The following NRAP variants were observed in gnomAD, a reference collection of about 807,000 sequenced individuals.
NRAP encodes nebulin related anchoring protein.
In NRAP, 189 loss-of-function variants were observed where a neutral mutation model predicts 225.9. That is an observed-to-expected ratio of 0.84 (90% CI 0.74 to 0.94). NRAP has a LOEUF of 0.94. NRAP is among the 40% of genes least tolerant of loss of function. The pLI is 0.00. For synonymous variants in NRAP, 769 were observed against 790.7 expected (o/e 0.97, Z 0.46); for missense variants, 2,176 against 2,168.7 (o/e 1.00, Z -0.07).
chr10:113,589,742 C>T lies in NRAP; in HGVS notation c.5012G>A (p.Gly1671Asp). ...LTRGVGWTPPGSYKVEMARRA... is the reference protein window; with the variant it reads ...LTRGVGWTPPDSYKVEMARRA... ...CCGAGCCATTTCCACTTTGTAGGAG[C>T]CAGGAGGGGTCCAGCCAACACCTCT... Residue 1671 changes from glycine (G) to aspartate (D), a missense_variant, in exon 41 of 42, where the codon GGC (glycine) becomes GAC (aspartate). This residue lies in a region of NRAP where 445 missense variants were observed against 426.1 expected (regional missense o/e 1.04). Transcript: ENST00000359988. 1.2e-6 allele frequency: 2 copies of T among 1,614,108 alleles called. No individual in the cohort carries two copies. Among genetic ancestry groups the T allele is most frequent in the Non-Finnish European group, 1.7e-6 (2 of 1,180,026 alleles).
chr10:113,589,092 A>AACAT lies in NRAP; in HGVS notation c.5089-17_5089-14dup, dbSNP rs1845767110. ...CTTCTGCCCCCCGCTGCTGAAATCA[A>AACAT]ACATACCCCAAGTTAAAATGAAGCT... is the stretch of plus-strand genomic sequence containing the variant. On this transcript the variant is annotated splice_polypyrimidine_tract_variant and intron_variant, in intron 41 of 41. Transcript: ENST00000359988. 1.9e-6 allele frequency: 3 copies of AACAT among 1,610,006 alleles called. No individual in the cohort carries two copies. Among genetic ancestry groups the AACAT allele is most frequent in the Non-Finnish European group, 2.5e-6 (3 of 1,176,790 alleles).
chr10:113,590,996 G>T, intron 39 of NRAP, 107 bp from the exon 40 acceptor site: 1 of 914,580 alleles, frequency 1.1e-6, no homozygotes, highest in Non-Finnish European at 1.7e-6. Flanking sequence ...CTCAAGAGTG[G>T]GTTAGAGGCA....
chr10:113,622,441 G>T (rs1254186585), intron 23 of NRAP, among the ~76,000 whole-genome samples: 3 of 152,166 alleles, frequency 2.0e-5, no homozygotes, highest in Non-Finnish European at 4.4e-5. Flanking sequence ...GAAATGAGAA[G>T]CATACAGAAT....
chr10:113,606,389 C>A (rs1846970296), intron 32 of NRAP, 107 bp from the exon 33 acceptor site: 3 of 680,720 alleles, frequency 4.4e-6, no homozygotes, highest in African/African-American at 1.8e-5. Context: ...TAGCAAAAAA[C>A]CGTTCATTGT....
chr10:113,605,013 T>C, intron 34 of NRAP, 93 bp from the exon 35 acceptor site: 1 of 1,440,882 alleles, frequency 6.9e-7, no homozygotes, highest in Non-Finnish European at 9.4e-7. Flanking sequence ...GAGGTGATGA[T>C]TATAAGAAAA....
In NRAP at chr10:113,620,608, C is replaced by T. The variant is rs925002682; in HGVS notation, c.2870G>A (p.Ser957Asn). 6.9e-6 allele frequency: 11 copies of T among 1,604,114 alleles called. No individual in the cohort carries two copies. In the Admixed American group the frequency reaches 1.2e-4, roughly 17 times the overall value. The change falls in exon 25 of 42, where the codon AGC (serine) becomes AAC (asparagine). Residue 957 changes from serine (S) to asparagine (N), a missense_variant. Coordinates refer to ENST00000359988, the MANE Select transcript of NRAP (RefSeq NM_198060.4). ...CAGGCTGTCAGGAAATCTCACCTCG[C>T]TAATGAGTTCTCCTGCCTTCTTCGC... ...EQAKKAGELI[S>N]EKKYRQHPDA...
intron 14 of NRAP, among the ~76,000 whole-genome samples, chr10:113,639,190 G>C (rs1349159519): frequency 2.0e-5 from 3 of 151,012 alleles, no homozygotes; most frequent in Admixed American, 2.0e-4. Context: ...CTGAGAAAAA[G>C]AGAAGCAAAG....
At chr10:113,655,415 C>T (rs1850246678) in intron 4 of NRAP, among the ~76,000 whole-genome samples, 1 of 151,444 alleles carries the variant, frequency 6.6e-6, no homozygotes, top group Non-Finnish European at 1.5e-5. Flanking sequence ...TTGGAATAAT[C>T]CTGTCTATCA....
At chr10:113,632,477 A>G (rs1848630114) in intron 16 of NRAP, among the ~76,000 whole-genome samples, 1 of 152,222 alleles carries the variant, frequency 6.6e-6, no homozygotes, top group African/African-American at 2.4e-5. Flanking sequence ...AGAGAAATTA[A>G]AGAGCTCACC....
In NRAP at chr10:113,620,697, C is replaced by T. The variant is rs753450735; in HGVS notation, c.2781G>A (p.Arg927=). The T allele has an allele frequency of 4.3e-6, 7 of 1,610,606 alleles. No individual in the cohort carries two copies. The Admixed American group carries it at 1.2e-4, about 27-fold the overall frequency. ...AYGLQSDNQY[R]ADVKWMKGMG... The stretch of plus-strand genomic sequence containing the variant: ...TGCCTTTCATCCACTTCACATCTGC[C>T]CTGTATTGGTTCTGACAAAGGAGAA... The change falls in exon 25 of 42, where the codon AGG becomes AGA. Residue 927 remains arginine, a synonymous_variant. Transcript: ENST00000359988.
chr10:113,658,035 A>G (rs3127117), intron 3 of NRAP, among the ~76,000 whole-genome samples: 133,395 of 152,206 alleles, frequency 0.88, 58,539 homozygotes, highest in East Asian at 0.9. Context: ...TAATTTTTAC[A>G]TATAGATAAG....
At chr10:113,612,906 G>C (rs150411036) in intron 29 of NRAP, among the ~76,000 whole-genome samples, 1 of 152,268 alleles carries the variant, frequency 6.6e-6, no homozygotes, top group East Asian at 1.9e-4. Context: ...TGGGAGCCAG[G>C]AGCAGTGGGG....
chr10:113,621,734 T>A (rs2133983160), intron 24 of NRAP, 135 bp downstream of exon 24: 1 of 755,310 alleles, frequency 1.3e-6, no homozygotes, highest in East Asian at 2.7e-5. Flanking sequence ...AAGTAAAGTG[T>A]TGCCACTTAG....
chr10:113,608,065 C>G (rs1171550819), intron 32 of NRAP, among the ~76,000 whole-genome samples: 5 of 152,160 alleles, frequency 3.3e-5, no homozygotes, highest in Non-Finnish European at 7.3e-5. Context: ...GAATTACAGA[C>G]CAGTACTTCT....
chr10:113,601,846 T>C (rs1592736903), intron 35 of NRAP, among the ~76,000 whole-genome samples: 1 of 152,122 alleles, frequency 6.6e-6, no homozygotes, highest in Admixed American at 6.5e-5. Context: ...AAGTCTAAGA[T>C]GGTGGATCAA....
chr10:113,611,026 G>A lies in NRAP; in HGVS notation c.3499-463C>T, dbSNP rs186054023. ...ATCCAAAAGAATCTGGCAAAGGCCTGCCTGAGTTCGTGTGGGTGGGGGCCA... is the reference window on the plus strand; with the variant it reads ...ATCCAAAAGAATCTGGCAAAGGCCTACCTGAGTTCGTGTGGGTGGGGGCCA... On this transcript the variant is annotated intron_variant, in intron 30 of 41. Transcript: ENST00000359988. Among the ~76,000 whole-genome samples, 313 of 152,330 alleles carry A rather than the reference G, an allele frequency of 2.1e-3. 2 individuals carry two copies. Among genetic ancestry groups the A allele is most frequent in the Middle Eastern group, 6.8e-3 (2 of 294 alleles).
chr10:113,599,551 G>C (rs1411893171), intron 35 of NRAP, among the ~76,000 whole-genome samples: 1 of 152,148 alleles, frequency 6.6e-6, no homozygotes, highest in Non-Finnish European at 1.5e-5. Context: ...TTGTTGAGCT[G>C]AACAGTACGA....
Position 113,608,421 on chromosome 10 carries a change from G to C in NRAP, c.3695C>G (p.Thr1232Arg), listed in dbSNP as rs371753625. The C allele has an allele frequency of 1.2e-6, 2 of 1,605,274 alleles. No individual in the cohort carries two copies. Among genetic ancestry groups the C allele is most frequent in the Non-Finnish European group, 8.5e-7 (1 of 1,172,690 alleles). ...LLHAKFSNQI[T>R]NERLYKAAGE... is the part of the protein sequence containing the mutation. ...GCCATCAGGAGATTTTACCTCATTC[G>C]TTATCTGGTTGCTGAATTTCGCATG... The change falls in exon 32 of 42, where the codon ACG becomes AGG. Residue 1232 changes from threonine to arginine, a missense_variant. Transcript: ENST00000359988.
intron 35 of NRAP, among the ~76,000 whole-genome samples, chr10:113,600,681 G>C (rs1468849862): frequency 1.3e-5 from 2 of 152,096 alleles, no homozygotes; most frequent in Non-Finnish European, 2.9e-5. Flanking sequence ...GCAAGAGCTA[G>C]AAGCCTCACT....
Sources: gnomAD v4.1 joint callset for allele counts (sites outside exome capture counted in the v4.1 genomes callset) on GRCh38, gnomAD v4.1.1 for gene constraint, gnomAD v4.1.1 regional missense constraint, MANE v1.5 for transcripts, NCBI Gene and HGNC (gene_info 2026-07-23, HGNC 2026-07-21) for gene names.